Variants in CCDC7 observed in about 807,000 individuals in gnomAD.
CCDC7 encodes coiled-coil domain containing 7.
CCDC7 carries 183 observed loss-of-function variants against 196.9 expected under a neutral mutation model. The ratio of observed to expected loss-of-function variants is 0.93; its 90% CI spans 0.82 to 1.05. The LOEUF (loss-of-function observed/expected upper bound fraction) is 1.05, where lower values mean the gene tolerates loss of function less well. Among genes scored for constraint, CCDC7 ranks in the 50% least tolerant of loss-of-function variants. The pLI, the probability that CCDC7 is intolerant of heterozygous loss-of-function variation, is 0.00. For missense variants in CCDC7, 1,540 were observed against 1,482.2 expected, an observed-to-expected ratio of 1.04 and a Z score of -0.64; for synonymous variants, 525 against 484.6, an observed-to-expected ratio of 1.08 and a Z score of -1.10.
intron 29 of CCDC7, 57 bp from the exon 31 acceptor site, chr10:32,804,958 A>C: frequency 9.5e-7 from 1 of 1,054,324 alleles, no homozygotes; most frequent in Non-Finnish European, 1.5e-6. Context: ...CACACCCCTC[A>C]CATTCCTATG....
At chr10:32,518,121 T>G (rs755968863) in intron 10 of CCDC7, 146 bp downstream of exon 11, 4 of 1,081,898 alleles carry the variant, frequency 3.7e-6, no homozygotes, top group Non-Finnish European at 5.0e-6. Flanking sequence ...GTGAACTTTC[T>G]GGAAAGCCTT....
intron 13 of CCDC7, among the ~76,000 whole-genome samples, chr10:32,563,042 A>G (rs528100027): frequency 6.6e-6 from 1 of 152,334 alleles, no homozygotes; most frequent in East Asian, 1.9e-4. Flanking sequence ...GTGAACTGCC[A>G]TTCACAATTG....
intron 11 of CCDC7, among the ~76,000 whole-genome samples, chr10:32,527,458 G>T (rs2048857245): frequency 6.6e-6 from 1 of 152,178 alleles, no homozygotes; most frequent in Non-Finnish European, 1.5e-5. Flanking sequence ...TTCCAACAGA[G>T]GGGACGAACA....
At chr10:32,628,552 AGTTT>A (rs2064379333) in intron 18 of CCDC7, among the ~76,000 whole-genome samples, 1 of 151,610 alleles carries the variant, frequency 6.6e-6, no homozygotes, top group South Asian at 2.1e-4. Context: ...ACTTTGGCTT[AGTTT>A]GTTCTTCTTT....
chr10:32,554,724 T>A (rs1056403449), intron 13 of CCDC7, among the ~76,000 whole-genome samples: 1 of 152,202 alleles, frequency 6.6e-6, no homozygotes, highest in Non-Finnish European at 1.5e-5. Flanking sequence ...TGTGGGTCTT[T>A]TTAAGTTTTT....
At chr10:32,576,168 G>C (rs995409823) in intron 16 of CCDC7, among the ~76,000 whole-genome samples, 21 of 152,100 alleles carry the variant, frequency 1.4e-4, no homozygotes, top group Middle Eastern at 6.8e-3. Context: ...AGTTCAGTGG[G>C]GACCCCAAAG....
chr10:32,655,286 T>C (rs138555206), intron 20 of CCDC7, among the ~76,000 whole-genome samples: 6,028 of 152,246 alleles, frequency 0.04, 123 homozygotes, highest in Middle Eastern at 0.051. Context: ...GTTACCAAGG[T>C]CAGCCATTAG....
At chr10:32,594,817 T>G (rs549445051) in intron 18 of CCDC7, among the ~76,000 whole-genome samples, 1 of 152,350 alleles carries the variant, frequency 6.6e-6, no homozygotes, top group East Asian at 1.9e-4. Flanking sequence ...TCATGTGGTT[T>G]TTGTCATTGG....
At chr10:32,869,268 G>A (rs998882046) in intron 41 of CCDC7, among the ~76,000 whole-genome samples, 2 of 152,142 alleles carry the variant, frequency 1.3e-5, no homozygotes, top group African/African-American at 4.8e-5. Context: ...ATTCTAACTG[G>A]TGTGAGATGG....
chr10:32,734,004 A>G (rs1265310846), intron 28 of CCDC7, among the ~76,000 whole-genome samples: 1 of 152,188 alleles, frequency 6.6e-6, no homozygotes, highest in Admixed American at 6.5e-5. Flanking sequence ...TTCAACCATT[A>G]TGGAAAACAG....
At chr10:32,518,294 T>C (rs2047366306) in intron 10 of CCDC7, 122 bp from the exon 12 acceptor site, 7 of 1,089,910 alleles carry the variant, frequency 6.4e-6, no homozygotes, top group Non-Finnish European at 7.6e-6. Flanking sequence ...CAGACTGATA[T>C]CAATGTTTCA....
At chr10:32,625,127 C>T (rs1040250200) in intron 18 of CCDC7, among the ~76,000 whole-genome samples, 11 of 150,490 alleles carry the variant, frequency 7.3e-5, no homozygotes, top group African/African-American at 2.7e-4. Context: ...CCCTATGTTT[C>T]CTTCTGGACG....
intron 41 of CCDC7, among the ~76,000 whole-genome samples, chr10:32,864,115 A>T (rs1291360967): frequency 6.6e-6 from 1 of 151,950 alleles, no homozygotes; most frequent in African/African-American, 2.4e-5. Flanking sequence ...AAAAAATCTA[A>T]ACAGACGTTT....
chr10:32,763,237 C>T (rs898991729), intron 28 of CCDC7, among the ~76,000 whole-genome samples: 5 of 151,792 alleles, frequency 3.3e-5, no homozygotes, highest in African/African-American at 1.2e-4. Flanking sequence ...ATGAAACATA[C>T]AAATGGTCAA....
Position 32,708,568 on chromosome 10 carries a change from C to T in CCDC7, c.2459-3052C>T, listed in dbSNP as rs557085636. Among the ~76,000 whole-genome samples, 18 of 152,250 alleles carry T rather than the reference C, an allele frequency of 1.2e-4. No homozygotes were observed. The South Asian group carries it at 3.7e-3, about 32-fold the overall frequency. ...AATGGGAGAAAATTTTTGCAATCTACCCATGTGACAAAGGGCTAATGTCCA... is the reference window on the plus strand; with the variant it reads ...AATGGGAGAAAATTTTTGCAATCTATCCATGTGACAAAGGGCTAATGTCCA... On this transcript the variant is annotated intron_variant, in intron 24 of 41. Coordinates refer to ENST00000639629, the Ensembl canonical transcript of CCDC7.
intron 21 of CCDC7, among the ~76,000 whole-genome samples, chr10:32,671,529 C>T (rs1466862837): frequency 6.6e-6 from 1 of 152,154 alleles, no homozygotes; most frequent in Non-Finnish European, 1.5e-5. Flanking sequence ...TCTAACTTGT[C>T]TGATCCTCCT....
chr10:32,623,304 C>G lies in CCDC7; in HGVS notation c.1802-10950C>G, dbSNP rs537505061. Among the ~76,000 whole-genome samples the G allele has an allele frequency of 3.3e-5, 5 of 152,120 alleles. No homozygotes were observed. In the South Asian group the frequency reaches 6.2e-4, roughly 19 times the overall value. ...TATGTTCTGAAATTTTATTTTGTTT[C>G]ACAGTTGGATCTTTATTGCAGTTGG... On this transcript the variant is annotated intron_variant, in intron 18 of 41. Transcript: ENST00000639629.
At chr10:32,824,552 A>G in exon 32 of CCDC7, 4 of 1,612,186 alleles carry the variant, frequency 2.5e-6, no homozygotes, top group Non-Finnish European at 3.4e-6. Flanking sequence ...CAACTGAGAG[A>G]GGTACAATAA....
exon 26 of CCDC7, chr10:32,726,735 A>G (rs949054153): frequency 6.4e-7 from 1 of 1,558,138 alleles, no homozygotes; most frequent in African/African-American, 1.4e-5. Flanking sequence ...ATTTTGTAGT[A>G]CCAGATAAAA....
Sources: allele counts gnomAD v4.1 joint callset (sites outside exome capture counted in the v4.1 genomes callset), GRCh38; gene constraint gnomAD v4.1.1; transcripts MANE v1.5; gene names NCBI Gene and HGNC (gene_info 2026-07-23, HGNC 2026-07-21).